Variants in SUGCT observed in about 807,000 individuals in gnomAD.
The protein encoded by SUGCT is succinyl-CoA:glutarate-CoA transferase.
Under a neutral mutation model 55.0 loss-of-function variants are expected in SUGCT, and 41 were observed. The observed-to-expected ratio is 0.74, with a 90% CI of 0.58 to 0.97. The LOEUF (loss-of-function observed/expected upper bound fraction) is 0.97. Among genes scored for constraint, SUGCT ranks in the 50% least tolerant of loss-of-function variants. The pLI is 0.00. For synonymous variants in SUGCT, 187 were observed against 200.4 expected (o/e 0.93, Z 0.56); for missense variants, 568 against 547.8 (o/e 1.04, Z -0.37).
intron 12 of SUGCT, among the ~76,000 whole-genome samples, chr7:40,660,663 A>G (rs959784041): frequency 5.9e-5 from 9 of 152,162 alleles, no homozygotes; most frequent in African/African-American, 2.2e-4. Flanking sequence ...TTGGAAATTC[A>G]TTCAGGCGGG....
chr7:40,377,337 G>A (rs992855408), intron 9 of SUGCT, among the ~76,000 whole-genome samples: 3 of 149,630 alleles, frequency 2.0e-5, no homozygotes, highest in Non-Finnish European at 3.0e-5. Context: ...CCGCCTCCCG[G>A]ATTCAAGCGA....
At chr7:40,639,674 A>G (rs537733622) in intron 12 of SUGCT, among the ~76,000 whole-genome samples, 5 of 132,972 alleles carry the variant, frequency 3.8e-5, no homozygotes, top group East Asian at 4.0e-4. Flanking sequence ...CATGCCGTCT[A>G]ATTTTTTTTT....
chr7:40,299,171 G>A (rs1217983396), intron 8 of SUGCT, among the ~76,000 whole-genome samples: 5 of 152,116 alleles, frequency 3.3e-5, no homozygotes, highest in Non-Finnish European at 7.4e-5. Context: ...TAAACCAGGA[G>A]TTGCAAAGTC....
At chr7:40,232,103 T>A (rs1213598455) in intron 6 of SUGCT, among the ~76,000 whole-genome samples, 2 of 152,098 alleles carry the variant, frequency 1.3e-5, no homozygotes, top group African/African-American at 4.8e-5. Context: ...CCTGTCTCAA[T>A]CAATCAATCA....
At chr7:40,875,300 ATGGGGAGGATG>A in the SUGCT span, among the ~76,000 whole-genome samples, 2 of 152,226 alleles carry the variant, frequency 1.3e-5, no homozygotes. Context: ...TTATTTTTCC[ATGGGGAGGATG>A]TGCTTCTGGT....
chr7:40,443,516 A>G lies in SUGCT; in HGVS notation c.817-5771A>G, dbSNP rs200705838. 7.8e-4 allele frequency among the ~76,000 whole-genome samples: 119 copies of G among 152,224 alleles called. No individual in the cohort carries two copies. The East Asian group carries it at 0.016, about 20-fold the overall frequency. ...TCATGTGTCTGTTGGCTGCATAAAT[A>G]TCTTCTTTTGAGAAGTGTCTGTTCA... is the stretch of plus-strand genomic sequence containing the variant. On this transcript the variant is annotated intron_variant, in intron 9 of 13. Transcript: ENST00000335693.
At chr7:40,905,035 C>T in the SUGCT span, among the ~76,000 whole-genome samples, 139 of 152,234 alleles carry the variant, frequency 9.1e-4, 2 homozygotes, top group South Asian at 8.3e-3. Flanking sequence ...ATGGTTAACT[C>T]ATGGAGTGAG....
intron 13 of SUGCT, among the ~76,000 whole-genome samples, chr7:40,751,359 A>G (rs562834571): frequency 2.6e-5 from 4 of 152,272 alleles, no homozygotes; most frequent in African/African-American, 9.6e-5. Context: ...GAATAAAATC[A>G]CACAATTTAC....
intron 13 of SUGCT, among the ~76,000 whole-genome samples, chr7:40,854,329 G>C (rs1368374971): frequency 3.9e-5 from 6 of 152,128 alleles, no homozygotes; most frequent in Middle Eastern, 3.4e-3. Context: ...CTCCAGGTCT[G>C]AGCTGTCATC....
At chr7:40,721,182 G>C (rs1786313072) in intron 12 of SUGCT, among the ~76,000 whole-genome samples, 2 of 152,180 alleles carry the variant, frequency 1.3e-5, no homozygotes, top group Non-Finnish European at 2.9e-5. Flanking sequence ...CTATCTGCCT[G>C]TTGCTGTGTA....
chr7:40,257,584 G>T (rs977168330), intron 7 of SUGCT, among the ~76,000 whole-genome samples: 7 of 152,114 alleles, frequency 4.6e-5, no homozygotes, highest in Non-Finnish European at 1.0e-4. Context: ...AGGTTAAAAA[G>T]AAAATTTAAG....
chr7:40,592,010 A>G (rs762357382), intron 12 of SUGCT, among the ~76,000 whole-genome samples: 28 of 152,192 alleles, frequency 1.8e-4, no homozygotes, highest in Non-Finnish European at 5.9e-5. Flanking sequence ...CAAACTTGTA[A>G]TATCTCCAAG....
chr7:40,858,198 T>C (rs746339787), intron 13 of SUGCT, among the ~76,000 whole-genome samples: 3 of 151,942 alleles, frequency 2.0e-5, no homozygotes, highest in Non-Finnish European at 2.9e-5. Flanking sequence ...TAAGAAATGG[T>C]AGCTGGGCCA....
At chr7:40,759,599 C>A (rs1013637943) in intron 13 of SUGCT, among the ~76,000 whole-genome samples, 10 of 151,506 alleles carry the variant, frequency 6.6e-5, no homozygotes, top group Admixed American at 1.3e-4. Flanking sequence ...TTACTATTAT[C>A]TCCTAAAGTT....
chr7:40,196,037 T>C (rs1786271678), intron 6 of SUGCT, among the ~76,000 whole-genome samples: 1 of 152,136 alleles, frequency 6.6e-6, no homozygotes, highest in Non-Finnish European at 1.5e-5. Context: ...TTAATTGGCT[T>C]TAAGATAATA....
At chr7:40,944,131 GT>G in the SUGCT span, among the ~76,000 whole-genome samples, 1 of 152,074 alleles carries the variant, frequency 6.6e-6, no homozygotes, top group South Asian at 2.1e-4. Flanking sequence ...GGGGTTGTTT[GT>G]TTTTTTCTTG....
intron 12 of SUGCT, among the ~76,000 whole-genome samples, chr7:40,676,612 C>G (rs1783998076): frequency 6.6e-6 from 1 of 151,234 alleles, no homozygotes; most frequent in Non-Finnish European, 1.5e-5. Context: ...AAGCGATTCT[C>G]CTGCCTCAGC....
chr7:40,556,775 C>A (rs1199709855), intron 12 of SUGCT, among the ~76,000 whole-genome samples: 1 of 152,102 alleles, frequency 6.6e-6, no homozygotes, highest in Non-Finnish European at 1.5e-5. Context: ...AATTTTAAAG[C>A]ACGTGGAACA....
At chr7:40,593,093 T>C (rs1360217790) in intron 12 of SUGCT, among the ~76,000 whole-genome samples, 3 of 152,042 alleles carry the variant, frequency 2.0e-5, no homozygotes, top group Non-Finnish European at 2.9e-5. Context: ...AAGTCAATGA[T>C]TATGAAGGAT....
Sources: gnomAD v4.1 joint callset for allele counts (sites outside exome capture counted in the v4.1 genomes callset) on GRCh38, gnomAD v4.1.1 for gene constraint, MANE v1.5 for transcripts, NCBI Gene and HGNC (gene_info 2026-07-23, HGNC 2026-07-21) for gene names.